PTPRR: variants seen among roughly 807,000 people sequenced by gnomAD.
PTPRR encodes the protein receptor-type tyrosine-protein phosphatase R.
Under a neutral mutation model 77.2 loss-of-function variants are expected in PTPRR, and 38 were observed. That is an observed-to-expected ratio of 0.49 (90% CI 0.38 to 0.65). PTPRR has a LOEUF of 0.65. Ranked by LOEUF, PTPRR falls within the 30% of genes least tolerant of loss-of-function variation. The pLI, the probability that PTPRR is intolerant of heterozygous loss-of-function variation, is 0.00. For missense variants in PTPRR, 744 were observed against 799.2 expected (o/e 0.93, Z 0.83); for synonymous variants, 299 against 283.1 (o/e 1.06, Z -0.57).
intron 5 of PTPRR, 138 bp from the exon 6 acceptor site, chr12:70,746,224 T>C: frequency 5.0e-6 from 4 of 807,834 alleles, no homozygotes; most frequent in Non-Finnish European, 7.6e-6. Context: ...GAGAGATGAT[T>C]TCTCAGTTTC....
chr12:70,691,023 T>A (rs968190991), intron 8 of PTPRR, among the ~76,000 whole-genome samples: 2 of 152,250 alleles, frequency 1.3e-5, no homozygotes, highest in Admixed American at 1.3e-4. Flanking sequence ...TTCTATTTTT[T>A]AAAAAAAGGT....
intron 6 of PTPRR, among the ~76,000 whole-genome samples, chr12:70,733,481 A>AAAAAAAAAAAAAAAAAAAAAAATTC: frequency 1.2e-5 from 1 of 80,836 alleles, no homozygotes; most frequent in Non-Finnish European, 2.3e-5. Context: ...AAAAAAAAAA[A>AAAAAAAAAAAAAAAAAAAAAAATTC]GAAAAAAAAA....
At chr12:70,853,842 G>A (rs1017478354) in intron 2 of PTPRR, among the ~76,000 whole-genome samples, 1 of 152,318 alleles carries the variant, frequency 6.6e-6, no homozygotes, top group East Asian at 1.9e-4. Flanking sequence ...AGATCAATAA[G>A]TGGGAAAGAT....
chr12:70,846,896 C>T (rs1892494199), intron 2 of PTPRR, among the ~76,000 whole-genome samples: 1 of 152,102 alleles, frequency 6.6e-6, no homozygotes, highest in Non-Finnish European at 1.5e-5. Context: ...CCACAGCTTC[C>T]CCTGCTTGTC....
chr12:70,811,154 G>A (rs776068888), intron 2 of PTPRR, among the ~76,000 whole-genome samples: 5 of 152,120 alleles, frequency 3.3e-5, no homozygotes, highest in Non-Finnish European at 5.9e-5. Flanking sequence ...GCATTTGATG[G>A]ACGCCACTGC....
At chr12:70,808,591 T>C (rs1219285226) in intron 2 of PTPRR, among the ~76,000 whole-genome samples, 2 of 152,136 alleles carry the variant, frequency 1.3e-5, no homozygotes, top group Non-Finnish European at 2.9e-5. Flanking sequence ...GGACTCACGT[T>C]GAATTATCGG....
rs552290003 is a variant in PTPRR, at chr12:70,895,434, G to A, written c.59-2457C>T. 3.3e-5 allele frequency among the ~76,000 whole-genome samples: 5 copies of A among 151,482 alleles called. 1 individual carries two copies. In the South Asian group the frequency reaches 1.0e-3, roughly 32 times the overall value. ...CTACCGAGAAAGGGACAAAATCTAA[G>A]TTGAAGCGCAATTGAAACACAATGA... On this transcript the variant is annotated intron_variant, in intron 1 of 13. Coordinates refer to ENST00000283228, the MANE Select transcript of PTPRR (RefSeq NM_002849.4).
Position 70,746,026 on chromosome 12 carries a change from G to T in PTPRR, c.799C>A (p.Gln267Lys). 5 of 1,613,434 alleles carry T rather than the reference G, an allele frequency of 3.1e-6. No homozygotes were observed. The highest frequency in any genetic ancestry group is 3.4e-6 in the Non-Finnish European group (4 of 1,179,584). The change falls in exon 6 of 14, where the codon CAG becomes AAG. Residue 267 changes from glutamine (Q) to lysine (K), a missense_variant. Gln to Lys is a moderately conservative substitution (Grantham distance 53, BLOSUM62 1). This residue lies in a region of PTPRR where 570 missense variants were observed against 573.2 expected (regional missense o/e 0.99). Transcript: ENST00000283228. ...GTGATGGGCGATAGGTGGATCTCCT[G>T]GTTTTTCTCTTTGTCTTGTCTTAAG... is the stretch of plus-strand genomic sequence containing the variant. ...LSLRQDKEKN[Q>K]EIHLSPITLQ...
chr12:70,909,923 C>T (rs1358395095), intron 1 of PTPRR, among the ~76,000 whole-genome samples: 1 of 152,090 alleles, frequency 6.6e-6, no homozygotes, highest in Admixed American at 6.5e-5. Context: ...TTAGTTTCTT[C>T]AACATGAACT....
intron 2 of PTPRR, among the ~76,000 whole-genome samples, chr12:70,848,069 A>G (rs940852903): frequency 1.3e-5 from 2 of 152,190 alleles, no homozygotes; most frequent in Admixed American, 1.3e-4. Flanking sequence ...ACTATAAATT[A>G]CAAGAGATTC....
At chr12:70,711,706 C>T (rs1193052902) in intron 6 of PTPRR, among the ~76,000 whole-genome samples, 4 of 151,984 alleles carry the variant, frequency 2.6e-5, no homozygotes. Context: ...TAAGTATTCA[C>T]AAAGAAAATT....
In PTPRR at chr12:70,766,465, A is replaced by G. The variant is rs571012078; in HGVS notation, c.358-1687T>C. On this transcript the variant is annotated intron_variant, in intron 2 of 13. Coordinates refer to ENST00000283228, the MANE Select transcript of PTPRR (RefSeq NM_002849.4). ...TAAGCGAGAAGGGAAGTTTAGAGAA[A>G]AAAGAATAAAAAGAAGTGAACAAAG... 2.6e-3 allele frequency among the ~76,000 whole-genome samples: 399 copies of G among 152,272 alleles called. 1 individual carries two copies. Among genetic ancestry groups the G allele is most frequent in the African/African-American group, 9.4e-3 (389 of 41,546 alleles).
At chr12:70,843,494 A>G (rs1293959415) in intron 2 of PTPRR, among the ~76,000 whole-genome samples, 7 of 152,208 alleles carry the variant, frequency 4.6e-5, no homozygotes, top group Admixed American at 1.3e-4. Flanking sequence ...TTCATAGTTA[A>G]GTGCACTTTA....
intron 10 of PTPRR, among the ~76,000 whole-genome samples, chr12:70,675,453 T>C (rs1051252996): frequency 6.6e-6 from 1 of 152,022 alleles, no homozygotes; most frequent in Non-Finnish European, 1.5e-5. Context: ...TCCATCCTTT[T>C]AGTGGCTAAT....
intron 10 of PTPRR, among the ~76,000 whole-genome samples, chr12:70,668,164 T>A (rs1331718490): frequency 3.3e-5 from 5 of 151,894 alleles, no homozygotes; most frequent in Non-Finnish European, 7.4e-5. Context: ...TTTCCCACCA[T>A]AAGTGGATTC....
At chr12:70,873,103 C>A (rs905757513) in intron 2 of PTPRR, among the ~76,000 whole-genome samples, 1 of 152,278 alleles carries the variant, frequency 6.6e-6, no homozygotes, top group South Asian at 2.1e-4. Context: ...CTCAAACAAG[C>A]CATCTCATAT....
chr12:70,674,783 T>C (rs941387527), intron 10 of PTPRR, among the ~76,000 whole-genome samples: 1 of 152,160 alleles, frequency 6.6e-6, no homozygotes, highest in Non-Finnish European at 1.5e-5. Flanking sequence ...ACTTTTTCTA[T>C]ATTTTTATTT....
At chr12:70,714,763 T>C (rs1274790823) in intron 6 of PTPRR, among the ~76,000 whole-genome samples, 2 of 152,086 alleles carry the variant, frequency 1.3e-5, no homozygotes, top group Admixed American at 6.6e-5. Flanking sequence ...GGCGGGCAGA[T>C]TGCATGAGCC....
At chr12:70,712,006 G>C (rs925667391) in intron 6 of PTPRR, among the ~76,000 whole-genome samples, 1 of 152,066 alleles carries the variant, frequency 6.6e-6, no homozygotes, top group Admixed American at 6.6e-5. Flanking sequence ...CCATGTAATC[G>C]TGGGCTTTGG....
Sources: gnomAD v4.1 joint callset for allele counts (sites outside exome capture counted in the v4.1 genomes callset) on GRCh38, gnomAD v4.1.1 for gene constraint, gnomAD v4.1.1 regional missense constraint, MANE v1.5 for transcripts, NCBI Gene and HGNC (gene_info 2026-07-23, HGNC 2026-07-21) for gene names.